Variants in FRY observed in about 807,000 individuals in gnomAD.
FRY encodes the protein FRY microtubule binding protein.
FRY carries 128 observed loss-of-function variants against 348.4 expected under a neutral mutation model. The ratio of observed to expected loss-of-function variants is 0.37; its 90% CI spans 0.32 to 0.43. The LOEUF (loss-of-function observed/expected upper bound fraction) is 0.43, where lower values mean the gene tolerates loss of function less well. Ranked by LOEUF, FRY falls within the 20% of genes least tolerant of loss-of-function variation. The probability of loss-of-function intolerance (pLI) is 1.00; values close to 1 mark genes in which losing one functional copy is unlikely to be tolerated. For synonymous variants in FRY, 1,370 were observed against 1,374.7 expected, an observed-to-expected ratio of 1.00 and a Z score of 0.08; for missense variants, 2,736 against 3,695.2, an observed-to-expected ratio of 0.74 and a Z score of 6.73.
chr13:32,067,520 T>G (rs1874338765), intron 1 of FRY, among the ~76,000 whole-genome samples: 1 of 152,218 alleles, frequency 6.6e-6, no homozygotes, highest in Non-Finnish European at 1.5e-5. Context: ...AGCTTTACTC[T>G]GTAGAGAGGA....
chr13:32,202,636 T>G, intron 31 of FRY, 109 bp downstream of exon 31: 1 of 1,035,128 alleles, frequency 9.7e-7, no homozygotes. Flanking sequence ...GTAATTTTTC[T>G]TTTTAAATTC....
intron 1 of FRY, among the ~76,000 whole-genome samples, chr13:32,045,984 T>C: frequency 6.6e-6 from 1 of 152,172 alleles, no homozygotes; most frequent in East Asian, 1.9e-4. Flanking sequence ...TTATGAAGTG[T>C]ACACACTCCA....
chr13:32,213,702 T>C (rs1949488123), intron 35 of FRY, among the ~76,000 whole-genome samples: 1 of 152,236 alleles, frequency 6.6e-6, no homozygotes, highest in Non-Finnish European at 1.5e-5. Context: ...TCATTTATTG[T>C]TTTGTCTGAG....
chr13:32,244,450 C>G (rs1886672656), intron 47 of FRY, among the ~76,000 whole-genome samples: 1 of 152,190 alleles, frequency 6.6e-6, no homozygotes, highest in Admixed American at 6.5e-5. Context: ...ATTGAAAGCA[C>G]ACGCCTGACT....
chr13:32,209,025 T>C lies in FRY; in HGVS notation c.4191T>C (p.Ala1397=). ...AGGACCGGGAAGGTGACGTGACTGC[T>C]TCTCACGGGCTGAGAGGAAATGGCT... ...EVKDREGDVT[A]SHGLRGNGWG... is the part of the protein sequence containing the mutation. The change falls in exon 32 of 61, where the codon GCT becomes GCC. Residue 1397 remains alanine, a synonymous_variant. Coordinates refer to ENST00000542859, the MANE Select transcript of FRY (RefSeq NM_023037.3). The C allele has an allele frequency of 6.2e-7, 1 of 1,614,204 alleles. No homozygotes were observed. Among genetic ancestry groups the C allele is most frequent in the Non-Finnish European group, 8.5e-7 (1 of 1,180,040 alleles).
chr13:32,170,343 A>G (rs1335776491), intron 17 of FRY, among the ~76,000 whole-genome samples: 2 of 152,226 alleles, frequency 1.3e-5, no homozygotes, highest in African/African-American at 2.4e-5. Flanking sequence ...AAAGGACATC[A>G]TTGGAAAACC....
intron 16 of FRY, among the ~76,000 whole-genome samples, chr13:32,157,931 TG>T (rs1339183150): frequency 9.9e-5 from 15 of 152,258 alleles, no homozygotes; most frequent in Admixed American, 9.2e-4. Flanking sequence ...TGTTTAACTA[TG>T]GCAGGAACTA....
intron 51 of FRY, among the ~76,000 whole-genome samples, chr13:32,260,746 G>C (rs1442397203): frequency 6.6e-6 from 1 of 151,846 alleles, no homozygotes; most frequent in Non-Finnish European, 1.5e-5. Context: ...ATGGAACCCA[G>C]AAGGTGGAGG....
At chr13:32,181,454 C>T (rs12873883) in intron 23 of FRY, among the ~76,000 whole-genome samples, 5 of 149,402 alleles carry the variant, frequency 3.3e-5, no homozygotes, top group South Asian at 2.1e-4. Flanking sequence ...ATTAGCCAGG[C>T]GTGATGGTGT....
chr13:32,054,697 C>T (rs1318670960), intron 1 of FRY, among the ~76,000 whole-genome samples: 1 of 152,026 alleles, frequency 6.6e-6, no homozygotes, highest in Non-Finnish European at 1.5e-5. Flanking sequence ...CACGGTGAGA[C>T]CCCGTCTCTA....
At chr13:32,062,798 TG>T (rs1161804821) in intron 1 of FRY, among the ~76,000 whole-genome samples, 2 of 152,162 alleles carry the variant, frequency 1.3e-5, no homozygotes, top group Admixed American at 1.3e-4. Flanking sequence ...TTGTAAACAC[TG>T]TACTAGAAGC....
intron 3 of FRY, among the ~76,000 whole-genome samples, chr13:32,106,024 A>G (rs1052880393): frequency 6.7e-6 from 1 of 149,476 alleles, no homozygotes; most frequent in African/African-American, 2.4e-5. Flanking sequence ...CCTTCCAGCA[A>G]CTCCAAGAAG....
At chr13:32,064,803 A>T (rs1452397821) in intron 1 of FRY, among the ~76,000 whole-genome samples, 1 of 152,212 alleles carries the variant, frequency 6.6e-6, no homozygotes, top group African/African-American at 2.4e-5. Context: ...AGAATGCCTT[A>T]TACTAAGGTC....
intron 55 of FRY, among the ~76,000 whole-genome samples, chr13:32,268,501 AAAAAATATATATATATATAT>A (rs1410754025): frequency 5.9e-5 from 1 of 17,082 alleles, no homozygotes; most frequent in Admixed American, 9.8e-4. Flanking sequence ...AAAAAAAAAA[AAAAAATATATATATATATAT>A]ATATATATAT....
At chr13:32,270,776 G>A (rs967136784) in intron 55 of FRY, among the ~76,000 whole-genome samples, 7 of 152,048 alleles carry the variant, frequency 4.6e-5, no homozygotes, top group Non-Finnish European at 7.4e-5. Context: ...ACTTGCATCC[G>A]TTACACTTGT....
chr13:32,273,681 G>A (rs1384080547), intron 55 of FRY, among the ~76,000 whole-genome samples: 1 of 152,158 alleles, frequency 6.6e-6, no homozygotes, highest in East Asian at 1.9e-4. Flanking sequence ...ACTCTTCAGA[G>A]GCTCAAATGC....
At position 32,278,539 on chromosome 13, in the gene FRY, C is replaced by T. The variant is rs554801796; in HGVS notation, c.8460C>T (p.Ser2820=). Residue 2820 remains serine (S), a synonymous_variant, in exon 58 of 61, where the codon TCC becomes TCT. Transcript: ENST00000542859. ...TAATTACCTGTCAACCAGGGGACTC[C>T]GAAGAAAAGGTAATAAAAGCCTGTT... The part of the protein sequence containing the change: ...DGVITCQPGD[S]EEKQLELCQR... 39 of 1,544,390 alleles carry T rather than the reference C, an allele frequency of 2.5e-5. No individual in the cohort carries two copies. The highest frequency in any genetic ancestry group is 6.7e-5 in the East Asian group (3 of 44,496).
intron 31 of FRY, among the ~76,000 whole-genome samples, chr13:32,205,731 A>G (rs1238095818): frequency 6.6e-6 from 1 of 152,106 alleles, no homozygotes; most frequent in Non-Finnish European, 1.5e-5. Context: ...TGAGTTGCAA[A>G]CGAGAAGAGG....
chr13:32,057,909 A>G (rs1005859969), intron 1 of FRY, among the ~76,000 whole-genome samples: 2 of 152,160 alleles, frequency 1.3e-5, no homozygotes, highest in African/African-American at 4.8e-5. Flanking sequence ...GCAGTGAGCC[A>G]AGATCGCGCC....
Sources: allele counts gnomAD v4.1 joint callset (sites outside exome capture counted in the v4.1 genomes callset), GRCh38; gene constraint gnomAD v4.1.1; transcripts MANE v1.5; gene names NCBI Gene and HGNC (gene_info 2026-07-23, HGNC 2026-07-21).